The following XKR6 variants were observed in gnomAD, a reference collection of about 807,000 sequenced individuals.
XKR6 encodes XK related 6.
XKR6 carries 22 observed loss-of-function variants against 56.7 expected under a neutral mutation model. The observed-to-expected ratio is 0.39, with a 90% CI of 0.28 to 0.55. The LOEUF (loss-of-function observed/expected upper bound fraction) is 0.55. Among genes scored for constraint, XKR6 ranks in the 20% least tolerant of loss-of-function variants. The probability of loss-of-function intolerance (pLI) is 0.66; values close to 1 mark genes in which losing one functional copy is unlikely to be tolerated. For missense variants in XKR6, 852 were observed against 889.0 expected (o/e 0.96, Z 0.53); for synonymous variants, 524 against 387.8 (o/e 1.35, Z -4.13).
At chr8:10,903,875 G>T (rs937331433) in intron 2 of XKR6, among the ~76,000 whole-genome samples, 2 of 152,198 alleles carry the variant, frequency 1.3e-5, no homozygotes, top group African/African-American at 4.8e-5. Context: ...TTCAAAGCTT[G>T]CTGTGTGTTC....
intron 1 of XKR6, among the ~76,000 whole-genome samples, chr8:10,950,742 C>A (rs563944749): frequency 1.3e-5 from 2 of 152,334 alleles, no homozygotes; most frequent in South Asian, 4.1e-4. Context: ...TTGGCAAGCA[C>A]CACAGGCCCT....
chr8:11,055,818 C>T (rs748867581), intron 1 of XKR6, among the ~76,000 whole-genome samples: 78 of 151,428 alleles, frequency 5.2e-4, no homozygotes, highest in Non-Finnish European at 1.0e-3. Context: ...AGCCATGGGT[C>T]GGGGGTGGGC....
At chr8:10,941,662 C>T (rs2129123786) in intron 1 of XKR6, among the ~76,000 whole-genome samples, 1 of 152,324 alleles carries the variant, frequency 6.6e-6, no homozygotes, top group South Asian at 2.1e-4. Flanking sequence ...GGCTTCAGCC[C>T]CAGCCTCCTG....
chr8:11,063,066 T>A lies in XKR6; in HGVS notation c.764+137510A>T, dbSNP rs371570531. 3.8e-5 allele frequency: 13 copies of A among 342,220 alleles called. 1 individual carries two copies. The highest frequency in any genetic ancestry group is 1.9e-4 in the African/African-American group (9 of 46,452). 21.2% of individuals were successfully genotyped at this position (342,220 alleles called of 1,614,324 possible). ...GACTCCTATATGGACAAGGAATAAA[T>A]TTAAATCCTATTAAGGCTGGGTGCA... On this transcript the variant is annotated intron_variant, in intron 1 of 2. Coordinates refer to ENST00000416569, the MANE Select transcript of XKR6 (RefSeq NM_173683.4).
chr8:11,171,006 G>A (rs951170057), intron 1 of XKR6, among the ~76,000 whole-genome samples: 11 of 152,164 alleles, frequency 7.2e-5, no homozygotes, highest in South Asian at 2.1e-4. Context: ...TAGCAATCTT[G>A]AATTCTTGAC....
chr8:10,902,531 C>G (rs1800065591), intron 2 of XKR6, among the ~76,000 whole-genome samples: 1 of 152,208 alleles, frequency 6.6e-6, no homozygotes, highest in Non-Finnish European at 1.5e-5. Flanking sequence ...GTCAGTTCAG[C>G]TTTCCAGATA....
chr8:10,905,402 A>G (rs1800157480), intron 2 of XKR6, among the ~76,000 whole-genome samples: 1 of 151,934 alleles, frequency 6.6e-6, no homozygotes, highest in East Asian at 1.9e-4. Context: ...TCTTCCTGCC[A>G]TTTCTTGAGC....
chr8:11,064,489 T>C (rs546540098), intron 1 of XKR6, among the ~76,000 whole-genome samples: 74 of 152,366 alleles, frequency 4.9e-4, no homozygotes, highest in Middle Eastern at 3.4e-3. Context: ...GAATAATTTA[T>C]AGAAAGAAAT....
chr8:11,036,368 C>T (rs571345981), intron 1 of XKR6, among the ~76,000 whole-genome samples: 1 of 152,354 alleles, frequency 6.6e-6, no homozygotes, highest in African/African-American at 2.4e-5. Flanking sequence ...GAGGAAGCCA[C>T]TGTGCCCCTA....
intron 1 of XKR6, among the ~76,000 whole-genome samples, chr8:11,140,035 G>A (rs765688495): frequency 2.0e-5 from 3 of 151,600 alleles, no homozygotes; most frequent in Non-Finnish European, 2.9e-5. Flanking sequence ...GGAGAAACTC[G>A]TTTTATACAT....
At chr8:11,092,893 T>C (rs1303173851) in intron 1 of XKR6, among the ~76,000 whole-genome samples, 2 of 152,206 alleles carry the variant, frequency 1.3e-5, no homozygotes, top group Admixed American at 1.3e-4. Context: ...CAGCAGGCCA[T>C]GAGGGCCAAG....
intron 1 of XKR6, among the ~76,000 whole-genome samples, chr8:11,171,709 T>C (rs763097780): frequency 6.6e-6 from 1 of 152,170 alleles, no homozygotes; most frequent in Non-Finnish European, 1.5e-5. Flanking sequence ...CCGTGCTTCT[T>C]GTACAACCTG....
intron 1 of XKR6, among the ~76,000 whole-genome samples, chr8:11,055,630 T>C (rs556356662): frequency 6.6e-6 from 1 of 152,344 alleles, no homozygotes; most frequent in African/African-American, 2.4e-5. Flanking sequence ...CAGCTCTGTC[T>C]GACAAATAAC....
At chr8:11,069,046 C>A (rs992699781) in intron 1 of XKR6, among the ~76,000 whole-genome samples, 6 of 152,028 alleles carry the variant, frequency 3.9e-5, no homozygotes, top group Non-Finnish European at 7.4e-5. Context: ...GATTACCGGG[C>A]CTTCCATGTT....
chr8:11,151,545 A>G (rs575394679), intron 1 of XKR6, among the ~76,000 whole-genome samples: 1 of 152,312 alleles, frequency 6.6e-6, no homozygotes, highest in South Asian at 2.1e-4. Context: ...ACAAGATGTG[A>G]CATTTCCCTA....
At chr8:11,192,397 C>T (rs999393490) in intron 1 of XKR6, among the ~76,000 whole-genome samples, 2 of 152,126 alleles carry the variant, frequency 1.3e-5, no homozygotes, top group African/African-American at 4.8e-5. Context: ...GATCCATCCA[C>T]CTCAGCCTCC....
intron 2 of XKR6, among the ~76,000 whole-genome samples, chr8:10,913,152 A>ATG (rs147764072): frequency 1.1e-4 from 17 of 150,848 alleles, no homozygotes; most frequent in East Asian, 1.9e-4. Context: ...GTGTATGTAT[A>ATG]TGTGTGTGTG....
chr8:11,164,719 C>T (rs1392926860), intron 1 of XKR6, among the ~76,000 whole-genome samples: 1 of 152,188 alleles, frequency 6.6e-6, no homozygotes, highest in Admixed American at 6.5e-5. Context: ...TCTTTTCCAT[C>T]CATTAATTCC....
At chr8:11,154,302 A>C (rs1424750263) in intron 1 of XKR6, among the ~76,000 whole-genome samples, 2 of 151,912 alleles carry the variant, frequency 1.3e-5, no homozygotes, top group Non-Finnish European at 2.9e-5. Flanking sequence ...TCTAATAAAA[A>C]CTCTAGACAC....
Sources: allele counts gnomAD v4.1 joint callset (sites outside exome capture counted in the v4.1 genomes callset), GRCh38; gene constraint gnomAD v4.1.1; transcripts MANE v1.5; gene names NCBI Gene and HGNC (gene_info 2026-07-23, HGNC 2026-07-21).